IKZF1: variants seen among roughly 807,000 people sequenced by gnomAD.
IKZF1 encodes DNA-binding protein Ikaros.
Under a neutral mutation model 51.7 loss-of-function variants are expected in IKZF1, and 10 were observed. The observed-to-expected ratio is 0.19, with a 90% CI of 0.12 to 0.33. The LOEUF (loss-of-function observed/expected upper bound fraction) is 0.33, where lower values mean the gene tolerates loss of function less well. IKZF1 is among the 10% of genes least tolerant of loss of function. The probability of loss-of-function intolerance (pLI) is 1.00; values close to 1 mark genes in which losing one functional copy is unlikely to be tolerated. For missense variants in IKZF1, 484 were observed against 707.5 expected (o/e 0.68, Z 3.58); for synonymous variants, 280 against 282.3 (o/e 0.99, Z 0.08).
At chr7:50,311,229 C>T (rs1414494608) in intron 1 of IKZF1, among the ~76,000 whole-genome samples, 1 of 152,096 alleles carries the variant, frequency 6.6e-6, no homozygotes, top group Non-Finnish European at 1.5e-5. Context: ...GACTAAATAC[C>T]CATTATTGTA....
At chr7:50,334,668 A>G (rs1162608524) in intron 3 of IKZF1, among the ~76,000 whole-genome samples, 9 of 148,200 alleles carry the variant, frequency 6.1e-5, no homozygotes, top group Non-Finnish European at 1.3e-4. Flanking sequence ...TAGTGTGTAT[A>G]TGTGTGTGAG....
At chr7:50,327,176 T>C (rs896740445) in intron 2 of IKZF1, among the ~76,000 whole-genome samples, 22 of 152,164 alleles carry the variant, frequency 1.4e-4, no homozygotes, top group Non-Finnish European at 2.4e-4. Flanking sequence ...ATTACAGTGT[T>C]GTTTAATAAT....
rs2153307454 is a variant in IKZF1, at chr7:50,304,791, T to C, written c.-146T>C. On this transcript the variant is annotated 5_prime_UTR_variant, in exon 1 of 8. Transcript: ENST00000331340. ...GCCCCCTGGGTCCCCGCGCGGCGCA[T>C]CCCAGCCTGGGCGGGACGCTCGGCC... 1 of 152,324 alleles carries C rather than the reference T, an allele frequency of 6.6e-6. No homozygotes were observed. Among genetic ancestry groups the C allele is most frequent in the South Asian group, 2.1e-4 (1 of 4,820 alleles). The allele number at this position is 152,324 out of a possible 1,614,324, so 9.4% of individuals were successfully genotyped here.
chr7:50,351,965 C>G (rs925844221), intron 3 of IKZF1, among the ~76,000 whole-genome samples: 5 of 152,192 alleles, frequency 3.3e-5, no homozygotes, highest in Non-Finnish European at 7.3e-5. Flanking sequence ...TCTGGCATTA[C>G]AGGGAGTTAA....
At chr7:50,327,556 AC>A (rs1795352444) in intron 2 of IKZF1, 81 bp from the exon 3 acceptor site, 2 of 1,476,876 alleles carry the variant, frequency 1.4e-6, no homozygotes, top group Admixed American at 4.7e-5. Context: ...TCCTCATGCC[AC>A]CCTCTCAAGC....
upstream of IKZF1, among the ~76,000 whole-genome samples, chr7:50,303,794 C>G (rs1034241619): frequency 6.6e-6 from 1 of 151,430 alleles, no homozygotes; most frequent in Non-Finnish European, 1.5e-5. This position sits in a 1 kb window ranked among gnomAD's most constrained non-coding sequence, Gnocchi z 4.7. Flanking sequence ...CCCCGACCGA[C>G]CAGCGGCCCC....
At chr7:50,322,670 A>T (rs1793718677) in intron 2 of IKZF1, among the ~76,000 whole-genome samples, 1 of 152,228 alleles carries the variant, frequency 6.6e-6, no homozygotes, top group Non-Finnish European at 1.5e-5. Flanking sequence ...CTTTCCAAAA[A>T]TACGTGTTAT....
chr7:50,360,330 G>A (rs538531120), intron 3 of IKZF1, among the ~76,000 whole-genome samples: 1 of 152,198 alleles, frequency 6.6e-6, no homozygotes, highest in Admixed American at 6.5e-5. Context: ...GCTGAGCACA[G>A]CCTCCAGAGT....
intron 3 of IKZF1, among the ~76,000 whole-genome samples, chr7:50,331,852 A>G (rs1325216738): frequency 6.6e-6 from 1 of 152,246 alleles, no homozygotes; most frequent in Non-Finnish European, 1.5e-5. Flanking sequence ...AATGAAACAA[A>G]GGATTTAAAG....
intron 1 of IKZF1, among the ~76,000 whole-genome samples, chr7:50,311,775 A>C (rs193175753): frequency 1.1e-3 from 174 of 152,340 alleles, no homozygotes; most frequent in African/African-American, 4.1e-3. Context: ...AAGATAATTT[A>C]ACTGCTAAGA....
intron 3 of IKZF1, among the ~76,000 whole-genome samples, chr7:50,353,858 T>C (rs530883022): frequency 2.6e-5 from 4 of 152,292 alleles, no homozygotes; most frequent in Non-Finnish European, 5.9e-5. Flanking sequence ...CTGCAGGAAG[T>C]TGCTGTTGTC....
chr7:50,403,955 A>G lies in IKZF1; in HGVS notation c.*3328A>G, dbSNP rs1028037650. On this transcript the variant is annotated 3_prime_UTR_variant, in exon 8 of 8. Transcript: ENST00000331340. ...CCTTCCTTTCTTCAGTTCCAGCAAT[A>G]ATGAATGGTCAACTTTTTTAAAATC... 2 of 215,344 alleles carry G rather than the reference A, an allele frequency of 9.3e-6. No homozygotes were observed. Among genetic ancestry groups the G allele is most frequent in the Non-Finnish European group, 1.9e-5 (2 of 106,486 alleles). 13.3% of individuals were successfully genotyped at this position (215,344 alleles called of 1,614,324 possible).
At chr7:50,379,763 G>C (rs1014586795) in intron 4 of IKZF1, among the ~76,000 whole-genome samples, 1 of 152,174 alleles carries the variant, frequency 6.6e-6, no homozygotes, top group Admixed American at 6.5e-5. Context: ...GTAGACCTAC[G>C]TCAGTTCTTG....
intron 2 of IKZF1, among the ~76,000 whole-genome samples, chr7:50,324,947 T>C (rs2153378368): frequency 6.6e-6 from 1 of 152,182 alleles, no homozygotes; most frequent in East Asian, 1.9e-4. Context: ...GGAAAAGCTA[T>C]AGGAGGAAAA....
chr7:50,354,034 C>A (rs977078802), intron 3 of IKZF1, among the ~76,000 whole-genome samples: 1 of 152,094 alleles, frequency 6.6e-6, no homozygotes, highest in Non-Finnish European at 1.5e-5. Context: ...TCCTGGAGGG[C>A]GCTGATTTGT....
intron 3 of IKZF1, among the ~76,000 whole-genome samples, chr7:50,355,408 C>T (rs188992904): frequency 6.6e-4 from 100 of 152,282 alleles, no homozygotes; most frequent in Non-Finnish European, 1.0e-3. Context: ...TACCGGCCAA[C>T]GCCCGCCTTG....
At chr7:50,303,614 C>G (rs560740387), upstream of IKZF1, among the ~76,000 whole-genome samples, 115 of 152,194 alleles carry the variant, frequency 7.6e-4, no homozygotes, top group Non-Finnish European at 1.3e-3. The surrounding 1 kb of genome is among the most constrained non-coding windows in gnomAD (Gnocchi z 4.7). Context: ...TTCCCACCCC[C>G]TCGGGTGGGC....
At chr7:50,344,639 T>C (rs1248344344) in intron 3 of IKZF1, among the ~76,000 whole-genome samples, 1 of 152,232 alleles carries the variant, frequency 6.6e-6, no homozygotes, top group Non-Finnish European at 1.5e-5. Flanking sequence ...TGCAGGTAGA[T>C]TGCAAGTTCC....
chr7:50,368,605 C>T (rs552275636), intron 3 of IKZF1: 25 of 446,574 alleles, frequency 5.6e-5, no homozygotes, highest in African/African-American at 7.9e-5. Context: ...GCTTGGTGCC[C>T]GCAGGACCTT....
Sources: allele counts gnomAD v4.1 joint callset (sites outside exome capture counted in the v4.1 genomes callset), GRCh38; gene constraint gnomAD v4.1.1; non-coding constraint Gnocchi (gnomAD v3.1); transcripts MANE v1.5; gene names NCBI Gene and HGNC (gene_info 2026-07-23, HGNC 2026-07-21).